PCDHA4: variants seen among roughly 807,000 people sequenced by gnomAD.
The protein encoded by PCDHA4 is protocadherin alpha 4.
Under a neutral mutation model 61.4 loss-of-function variants are expected in PCDHA4, and 49 were observed. That is an observed-to-expected ratio of 0.80 (90% CI 0.63 to 1.01). The LOEUF is 1.01. Among genes scored for constraint, PCDHA4 ranks in the 50% least tolerant of loss-of-function variants. The pLI, the probability that PCDHA4 is intolerant of heterozygous loss-of-function variation, is 0.00. For missense variants in PCDHA4, 1,254 were observed against 1,235.8 expected, an observed-to-expected ratio of 1.01 and a Z score of -0.22; for synonymous variants, 590 against 550.3, an observed-to-expected ratio of 1.07 and a Z score of -1.01.
At chr5:140,883,211 T>C in intron 1 of PCDHA4, 1 of 1,613,738 alleles carries the variant, frequency 6.2e-7, no homozygotes, top group Non-Finnish European at 8.5e-7. Context: ...AGAAAAGAAA[T>C]TATATGAAAT....
At chr5:141,003,762 G>A (rs1295345972) in intron 3 of PCDHA4, among the ~76,000 whole-genome samples, 1 of 152,146 alleles carries the variant, frequency 6.6e-6, no homozygotes, top group East Asian at 1.9e-4. Flanking sequence ...AATTATGGTC[G>A]TATTCTGTTA....
At chr5:140,948,861 A>G (rs1298940496) in intron 1 of PCDHA4, among the ~76,000 whole-genome samples, 1 of 151,528 alleles carries the variant, frequency 6.6e-6, no homozygotes, top group African/African-American at 2.4e-5. Flanking sequence ...TTCTTATATT[A>G]CTTCGGGTTT....
chr5:140,860,276 G>T (rs1399451611), intron 1 of PCDHA4: 2 of 151,942 alleles, frequency 1.3e-5, no homozygotes, highest in South Asian at 2.1e-4. Flanking sequence ...TGCTACTTGG[G>T]AGGGTGAGGT....
intron 1 of PCDHA4, among the ~76,000 whole-genome samples, chr5:140,964,997 T>C (rs144251011): frequency 3.9e-5 from 6 of 152,316 alleles, no homozygotes; most frequent in African/African-American, 1.4e-4. Context: ...CTTTGAATTC[T>C]GGGTGTCAGG....
At chr5:140,907,181 A>T (rs1216886799) in intron 1 of PCDHA4, among the ~76,000 whole-genome samples, 3 of 152,220 alleles carry the variant, frequency 2.0e-5, no homozygotes, top group African/African-American at 7.2e-5. Context: ...GATTCAGAGC[A>T]TACACAACCT....
At chr5:140,929,782 A>G (rs574140858) in intron 1 of PCDHA4, 12 of 168,464 alleles carry the variant, frequency 7.1e-5, no homozygotes, top group Non-Finnish European at 1.6e-4. Context: ...AGATGTAAAA[A>G]TAAATTACAA....
chr5:140,949,764 G>A (rs1168507534), intron 1 of PCDHA4, among the ~76,000 whole-genome samples: 2 of 151,746 alleles, frequency 1.3e-5, no homozygotes, highest in African/African-American at 2.4e-5. Flanking sequence ...TCACATTAGT[G>A]TAATATTTGA....
At chr5:140,853,237 A>G (rs2042681652) in intron 1 of PCDHA4, 3 of 980,666 alleles carry the variant, frequency 3.1e-6, no homozygotes, top group African/African-American at 1.8e-5. Flanking sequence ...TTAGTCCTTC[A>G]TATTAATCTC....
chr5:140,965,654 G>A (rs1194762396), intron 1 of PCDHA4, among the ~76,000 whole-genome samples: 5 of 152,150 alleles, frequency 3.3e-5, no homozygotes, highest in Non-Finnish European at 7.4e-5. Flanking sequence ...GAAAGAAAAT[G>A]TCTTGGGTGA....
intron 1 of PCDHA4, chr5:140,860,433 T>C (rs2046395592): frequency 6.6e-6 from 1 of 152,064 alleles, no homozygotes; most frequent in Non-Finnish European, 1.5e-5. Context: ...GCAAATATGA[T>C]CTTTTTCATA....
intron 1 of PCDHA4, among the ~76,000 whole-genome samples, chr5:140,915,929 C>A (rs1554197194): frequency 1.3e-5 from 2 of 152,144 alleles, no homozygotes; most frequent in African/African-American, 4.8e-5. Context: ...ACTTGGGAGT[C>A]AGGGATTGGA....
chr5:140,927,688 G>T (rs2084510856), intron 1 of PCDHA4: 1 of 1,613,944 alleles, frequency 6.2e-7, no homozygotes, highest in African/African-American at 1.3e-5. Flanking sequence ...AGGGTCCAAT[G>T]GGGAAGTCCA....
chr5:140,870,250 C>G (rs1562640720), intron 1 of PCDHA4: 1 of 1,614,092 alleles, frequency 6.2e-7, no homozygotes, highest in African/African-American at 1.3e-5. Flanking sequence ...TGTCAACGGA[C>G]AGGTGACCTG....
intron 1 of PCDHA4, chr5:140,822,231 G>T (rs1328345342): frequency 5.0e-6 from 8 of 1,614,118 alleles, no homozygotes; most frequent in Middle Eastern, 1.6e-4. Flanking sequence ...CGCGGTTTCC[G>T]CTAGAGGGCG....
At chr5:140,876,999 G>T (rs368334312) in intron 1 of PCDHA4, 2 of 1,612,546 alleles carry the variant, frequency 1.2e-6, no homozygotes, top group Non-Finnish European at 1.7e-6. Flanking sequence ...GCTACGTGTC[G>T]GTGCACGCGG....
At chr5:140,856,471 A>G (rs782438318) in intron 1 of PCDHA4, 6 of 1,597,856 alleles carry the variant, frequency 3.8e-6, no homozygotes, top group South Asian at 2.2e-5. Flanking sequence ...AGCTCTCAAT[A>G]CCTGAATCCA....
chr5:140,868,927 A>T, intron 1 of PCDHA4: 3 of 1,057,856 alleles, frequency 2.8e-6, no homozygotes, highest in Non-Finnish European at 4.0e-6. Flanking sequence ...AAGTTCATTT[A>T]AAGGTTGGTC....
chr5:140,882,859 G>A (rs2059337136), intron 1 of PCDHA4: 1 of 1,614,192 alleles, frequency 6.2e-7, no homozygotes, highest in East Asian at 2.2e-5. Context: ...TTGTACTGAG[G>A]AAAACACTGG....
At chr5:140,867,536 A>T (rs1177306827) in intron 1 of PCDHA4, 3 of 152,126 alleles carry the variant, frequency 2.0e-5, no homozygotes, top group African/African-American at 7.2e-5. Flanking sequence ...ATATATATAA[A>T]ATATTAGCAT....
Sources: allele counts gnomAD v4.1 joint callset (sites outside exome capture counted in the v4.1 genomes callset), GRCh38; gene constraint gnomAD v4.1.1; transcripts MANE v1.5; gene names NCBI Gene and HGNC (gene_info 2026-07-23, HGNC 2026-07-21).